TMEM272: variants seen among roughly 807,000 people sequenced by gnomAD.
TMEM272 encodes the protein transmembrane protein 272.
TMEM272 carries 8 observed loss-of-function variants against 3.7 expected under a neutral mutation model. The ratio of observed to expected loss-of-function variants is 2.17; its 90% confidence interval spans 1.27 to 3.91. The LOEUF (loss-of-function observed/expected upper bound fraction) is 3.91, where lower values mean the gene tolerates loss of function less well. Ranked by LOEUF, TMEM272 falls within the 30% of genes most tolerant of loss-of-function variation. The probability of loss-of-function intolerance (pLI) is 0.00; values close to 1 mark genes in which losing one functional copy is unlikely to be tolerated. For missense variants in TMEM272, 166 were observed against 91.5 expected (o/e 1.81, Z -3.32); for synonymous variants, 63 against 39.8 (o/e 1.58, Z -2.20).
chr13:51,833,125 A>G lies in TMEM272; in HGVS notation c.58+5348T>C, dbSNP rs75109636. 4.3e-3 allele frequency among the ~76,000 whole-genome samples: 654 copies of G among 152,256 alleles called. 9 individuals are homozygous for G. Among genetic ancestry groups the G allele is most frequent in the African/African-American group, 0.015 (609 of 41,532 alleles). ...GGGGAGATGGCTTTTCTGTCAAAGG[A>G]AAAAAGCCCAGAGGAAACAAAAGAT... On this transcript the variant is annotated intron_variant, in intron 2 of 4. Coordinates refer to ENST00000629372, the MANE Select transcript of TMEM272 (RefSeq NM_001351003.2).
At chr13:51,827,021 GTTC>G (rs1956132000) in intron 2 of TMEM272, among the ~76,000 whole-genome samples, 1 of 152,202 alleles carries the variant, frequency 6.6e-6, no homozygotes, top group African/African-American at 2.4e-5. Flanking sequence ...AGGGCAGATG[GTTC>G]TTCTCTTCCC....
intron 2 of TMEM272, among the ~76,000 whole-genome samples, chr13:51,829,939 T>TG (rs1956158989): frequency 6.6e-6 from 1 of 152,194 alleles, no homozygotes; most frequent in Admixed American, 6.5e-5. Context: ...ATAGAGGATG[T>TG]CCTCCCTATA....
chr13:51,892,009 C>T, the TMEM272 span, among the ~76,000 whole-genome samples: 8,347 of 152,292 alleles, frequency 0.055, 283 homozygotes, highest in Middle Eastern at 0.11. Flanking sequence ...TGCGAGCTCA[C>T]ATTTAGGGAT....
chr13:51,908,098 A>G, the TMEM272 span: 1 of 446,358 alleles, frequency 2.2e-6, no homozygotes, highest in Non-Finnish European at 4.2e-6. Flanking sequence ...TATCCTGAGA[A>G]TTATAATTCT....
the TMEM272 span, among the ~76,000 whole-genome samples, chr13:51,879,070 G>T: frequency 6.6e-6 from 1 of 152,104 alleles, no homozygotes; most frequent in East Asian, 1.9e-4. Flanking sequence ...AAAGATTTTT[G>T]AGCTTTGTAA....
rs2139539330 is a variant in TMEM272, at chr13:51,815,689, G to A, written c.*1062C>T. ...CTTCATACAAAATTCTAAAACATGGGACTTTTTGCTCATAAAGAGGCTCCC... is the reference window on the plus strand; with the variant it reads ...CTTCATACAAAATTCTAAAACATGGAACTTTTTGCTCATAAAGAGGCTCCC... On this transcript the variant is annotated 3_prime_UTR_variant, in exon 5 of 5. Coordinates refer to ENST00000629372, the MANE Select transcript of TMEM272 (RefSeq NM_001351003.2). 1 of 152,260 alleles carries A rather than the reference G, an allele frequency of 6.6e-6. No homozygotes were observed. The highest frequency in any genetic ancestry group is 2.4e-5 in the African/African-American group (1 of 41,528). The allele number at this position is 152,260 out of a possible 1,614,324, so 9.4% of individuals were successfully genotyped here.
At chr13:51,872,891 C>T in the TMEM272 span, among the ~76,000 whole-genome samples, 1 of 152,176 alleles carries the variant, frequency 6.6e-6, no homozygotes, top group Non-Finnish European at 1.5e-5. Context: ...AGGCGTTTTT[C>T]AGGCACATGA....
intron 1 of TMEM272, among the ~76,000 whole-genome samples, chr13:51,841,525 G>A (rs1474449622): frequency 2.0e-5 from 3 of 152,150 alleles, no homozygotes; most frequent in Non-Finnish European, 2.9e-5. Flanking sequence ...CATTCCCTGG[G>A]GTAAGAGGTC....
chr13:51,881,029 A>G, the TMEM272 span, among the ~76,000 whole-genome samples: 5 of 152,228 alleles, frequency 3.3e-5, no homozygotes, highest in Admixed American at 3.3e-4. Flanking sequence ...CCTACACTGA[A>G]AAGTTAGGTG....
At chr13:51,826,138 C>CAAAA (rs11295480) in intron 3 of TMEM272, among the ~76,000 whole-genome samples, 17,158 of 122,668 alleles carry the variant, frequency 0.14, 1,380 homozygotes, top group East Asian at 0.46. Context: ...ATTCATTCAG[C>CAAAA]AAAAAAAAAA....
At chr13:51,897,926 CAAAAAA>C in the TMEM272 span, among the ~76,000 whole-genome samples, 1 of 98,448 alleles carries the variant, frequency 1.0e-5, no homozygotes, top group Non-Finnish European at 1.9e-5. Context: ...GACTCCATCT[CAAAAAA>C]AAAAAAAAAG....
At chr13:51,844,207 T>C (rs1215687131) in intron 1 of TMEM272, among the ~76,000 whole-genome samples, 1 of 152,180 alleles carries the variant, frequency 6.6e-6, no homozygotes, top group African/African-American at 2.4e-5. Context: ...TAAACATATA[T>C]ATATGTATAT....
chr13:51,902,726 C>T, the TMEM272 span, among the ~76,000 whole-genome samples: 17 of 152,358 alleles, frequency 1.1e-4, no homozygotes, highest in Admixed American at 3.3e-4. Flanking sequence ...GAAACCCAAA[C>T]GGGAACCATT....
At chr13:51,880,565 T>C in the TMEM272 span, among the ~76,000 whole-genome samples, 7 of 152,188 alleles carry the variant, frequency 4.6e-5, no homozygotes, top group South Asian at 1.4e-3. Context: ...AAAAAGTCAG[T>C]CGGTCCCCAC....
At chr13:51,860,818 A>AGTGTGTGT in the TMEM272 span, among the ~76,000 whole-genome samples, 27,111 of 143,832 alleles carry the variant, frequency 0.19, 2,970 homozygotes, top group East Asian at 0.46. Flanking sequence ...TATATATAGA[A>AGTGTGTGT]GTGTGTGTGT....
chr13:51,896,126 A>T, the TMEM272 span, among the ~76,000 whole-genome samples: 1 of 152,224 alleles, frequency 6.6e-6, no homozygotes, highest in Non-Finnish European at 1.5e-5. Context: ...CAACTTTGGC[A>T]CAGGAAAGTC....
the TMEM272 span, among the ~76,000 whole-genome samples, chr13:51,868,240 T>C: frequency 1.3e-5 from 2 of 152,196 alleles, no homozygotes; most frequent in Non-Finnish European, 2.9e-5. Flanking sequence ...AAGCTTTCCG[T>C]CCAGTGCGGG....
chr13:51,906,725 C>T, the TMEM272 span, among the ~76,000 whole-genome samples: 266 of 152,300 alleles, frequency 1.7e-3, no homozygotes, highest in African/African-American at 6.1e-3. Context: ...AGGCACTCCC[C>T]GGGATCCCAG....
At chr13:51,821,298 G>A (rs1427637665) in intron 4 of TMEM272, among the ~76,000 whole-genome samples, 1 of 152,228 alleles carries the variant, frequency 6.6e-6, no homozygotes, top group African/African-American at 2.4e-5. Flanking sequence ...ACTGGGAAGA[G>A]TTGTTGATAG....
Sources: gnomAD v4.1 joint callset for allele counts (sites outside exome capture counted in the v4.1 genomes callset) on GRCh38, gnomAD v4.1.1 for gene constraint, MANE v1.5 for transcripts, NCBI Gene and HGNC (gene_info 2026-07-23, HGNC 2026-07-21) for gene names.